The following DZIP3 variants were observed in gnomAD, a reference collection of about 807,000 sequenced individuals.
DZIP3 encodes DAZ interacting zinc finger protein 3, also known as E3 ubiquitin-protein ligase DZIP3.
In DZIP3, 118 loss-of-function variants were observed where a neutral mutation model predicts 162.0. The ratio of observed to expected loss-of-function variants is 0.73; its 90% confidence interval spans 0.63 to 0.85. The LOEUF (loss-of-function observed/expected upper bound fraction) is 0.85. Among genes scored for constraint, DZIP3 ranks in the 40% least tolerant of loss-of-function variants. DZIP3 has a pLI of 0.00. For synonymous variants in DZIP3, 438 were observed against 458.6 expected (o/e 0.96, Z 0.57); for missense variants, 1,331 against 1,407.0 (o/e 0.95, Z 0.86).
In DZIP3 at chr3:108,677,511, A is replaced by G. The variant is rs1392680861; in HGVS notation, c.2796A>G (p.Glu932=). The G allele has an allele frequency of 1.2e-6, 2 of 1,612,536 alleles. No homozygotes were observed. Among genetic ancestry groups the G allele is most frequent in the Non-Finnish European group, 1.7e-6 (2 of 1,178,896 alleles). Residue 932 remains glutamate, a synonymous_variant, in exon 26 of 33, where the codon GAA becomes GAG. Transcript: ENST00000361582. ...KIAFLRTQYN[E]QINKVKQGFA... ...TCTTCTACCAGACACAGTACAATGA[A>G]CAAATAAACAAAGTCAAGCAAGGAT... is the stretch of plus-strand genomic sequence containing the variant.
rs562952046 is a variant in DZIP3 at position 108,644,869 on chromosome 3, T to C, written c.1759+88T>C. 58 of 1,258,634 alleles carry C rather than the reference T, an allele frequency of 4.6e-5. No homozygotes were observed. The African/African-American group carries it at 8.1e-4, about 18-fold the overall frequency. The allele number at this position is 1,258,634 out of a possible 1,614,324, so 78.0% of individuals were successfully genotyped here. A position where few individuals can be genotyped will look rare whatever the true frequency, so the allele number is the denominator to read the frequency against. Reference sequence around the variant, plus strand: ...AGGCACAGTGCAAAGGGCAAGAGATTCAGTGAGCTCATGGTTTTGGGAAAA... The same window carrying C: ...AGGCACAGTGCAAAGGGCAAGAGATCCAGTGAGCTCATGGTTTTGGGAAAA... On this transcript the variant is annotated intron_variant, in intron 14 of 32. Coordinates refer to ENST00000361582, the MANE Select transcript of DZIP3 (RefSeq NM_014648.4).
intron 5 of DZIP3, among the ~76,000 whole-genome samples, chr3:108,622,008 G>A (rs1941375985): frequency 6.6e-6 from 1 of 151,608 alleles, no homozygotes; most frequent in African/African-American, 2.4e-5. Flanking sequence ...GATCAGCCTG[G>A]GTAATAGTGT....
chr3:108,654,830 G>A (rs1431216712), intron 19 of DZIP3, among the ~76,000 whole-genome samples: 2 of 152,032 alleles, frequency 1.3e-5, no homozygotes, highest in East Asian at 3.9e-4. Context: ...CATGATTTAA[G>A]TGCTCAACAG....
rs1940281285 is a variant in DZIP3 at position 108,605,345 on chromosome 3, CA to C, written c.-61del. 1.2e-6 allele frequency: 2 copies of C among 1,600,060 alleles called. No homozygotes were observed. Among genetic ancestry groups the C allele is most frequent in the Admixed American group, 1.7e-5 (1 of 59,466 alleles). ...TTATTTTCCTTACAGCATTAAAGGG[CA>C]GTATTTAAAGTCAGTTGGCAAGCAG... On this transcript the variant is annotated 5_prime_UTR_variant, in exon 2 of 33. Transcript: ENST00000361582.
chr3:108,628,872 G>A (rs1941703850), intron 7 of DZIP3, among the ~76,000 whole-genome samples, 190 bp from the exon 8 acceptor site: 1 of 152,050 alleles, frequency 6.6e-6, no homozygotes. Context: ...ATAATCTAGT[G>A]CCTCCCCTTC....
intron 5 of DZIP3, among the ~76,000 whole-genome samples, chr3:108,622,696 A>G (rs1941408994): frequency 6.6e-6 from 1 of 151,972 alleles, no homozygotes; most frequent in African/African-American, 2.4e-5. Flanking sequence ...ATTAGGGGAC[A>G]CTCTAAGCCC....
rs556049062 is a variant in DZIP3 at position 108,621,785 on chromosome 3, T to C, written c.376-2659T>C. Reference sequence around the variant, plus strand: ...ATACCCAAAAGAAAGAAAATCAGTGTATCAAAGAAATATTTGCATTCTCAT... The same window carrying C: ...ATACCCAAAAGAAAGAAAATCAGTGCATCAAAGAAATATTTGCATTCTCAT... On this transcript the variant is annotated intron_variant, in intron 5 of 32. Transcript: ENST00000361582. 6.6e-5 allele frequency among the ~76,000 whole-genome samples: 10 copies of C among 152,290 alleles called. No homozygotes were observed. The South Asian group carries it at 2.1e-3, about 32-fold the overall frequency.
At position 108,605,364 on chromosome 3, in the gene DZIP3, G is replaced by T; in HGVS notation, c.-43G>T. On this transcript the variant is annotated 5_prime_UTR_variant, in exon 2 of 33. Coordinates refer to ENST00000361582, the MANE Select transcript of DZIP3 (RefSeq NM_014648.4). ...AAAGGGCAGTATTTAAAGTCAGTTG[G>T]CAAGCAGTGGAATAAGATTTTTGTA... The T allele has an allele frequency of 6.2e-7, 1 of 1,612,638 alleles. No individual in the cohort carries two copies. The highest frequency in any genetic ancestry group is 8.5e-7 in the Non-Finnish European group (1 of 1,179,308).
chr3:108,676,696 C>G (rs1343487810), intron 25 of DZIP3, among the ~76,000 whole-genome samples: 1 of 151,218 alleles, frequency 6.6e-6, no homozygotes, highest in African/African-American at 2.4e-5. Flanking sequence ...TTCACTGTTT[C>G]TCTCCAAACT....
intron 1 of DZIP3, among the ~76,000 whole-genome samples, chr3:108,603,638 T>C (rs894558580): frequency 9.2e-5 from 14 of 152,230 alleles, no homozygotes; most frequent in African/African-American, 3.1e-4. Flanking sequence ...AAGAAAGCTC[T>C]TTTAAATGAA....
chr3:108,663,053 AT>A lies in DZIP3; in HGVS notation c.2423+799del, dbSNP rs533935032. The stretch of plus-strand genomic sequence containing the variant: ...TAAATTGGGGAAATATTTGCCAGAG[AT>A]TTAGGTCTTAATTTTTCTCTCATAT... On this transcript the variant is annotated intron_variant, in intron 21 of 32. Coordinates refer to ENST00000361582, the MANE Select transcript of DZIP3 (RefSeq NM_014648.4). 1.7e-3 allele frequency among the ~76,000 whole-genome samples: 253 copies of A among 152,300 alleles called. 2 individuals are homozygous for A. Among genetic ancestry groups the A allele is most frequent in the African/African-American group, 5.7e-3 (239 of 41,574 alleles).
At chr3:108,685,256 T>A (rs887213777) in intron 27 of DZIP3, among the ~76,000 whole-genome samples, 2 of 152,170 alleles carry the variant, frequency 1.3e-5, no homozygotes, top group Non-Finnish European at 2.9e-5. Context: ...TAAGAAACTA[T>A]GATAAAATTT....
At chr3:108,648,173 A>T (rs1576413328) in intron 16 of DZIP3, 61 bp downstream of exon 16, 2 of 1,467,950 alleles carry the variant, frequency 1.4e-6, no homozygotes, top group East Asian at 4.8e-5. Flanking sequence ...AATTTGTTGC[A>T]TGTGCTGTAC....
chr3:108,619,360 T>C (rs995185182), intron 5 of DZIP3, among the ~76,000 whole-genome samples: 3 of 151,880 alleles, frequency 2.0e-5, no homozygotes, highest in African/African-American at 4.8e-5. Context: ...CAAATACTTA[T>C]ATACACATAT....
At chr3:108,667,246 A>G (rs1357951192) in intron 21 of DZIP3, among the ~76,000 whole-genome samples, 1 of 152,170 alleles carries the variant, frequency 6.6e-6, no homozygotes, top group South Asian at 2.1e-4. Flanking sequence ...GAAAAGGTCA[A>G]TAAAATTGAC....
chr3:108,624,790 GAATTGTACCTCA>G (rs1941518439), intron 6 of DZIP3, among the ~76,000 whole-genome samples: 1 of 151,890 alleles, frequency 6.6e-6, no homozygotes, highest in African/African-American at 2.4e-5. Flanking sequence ...TGTAAAATAT[GAATTGTACCTCA>G]AATTATTTGT....
intron 1 of DZIP3, among the ~76,000 whole-genome samples, chr3:108,594,709 A>G (rs55946386): frequency 0.2 from 30,883 of 151,854 alleles, 3,722 homozygotes; most frequent in East Asian, 0.45. Flanking sequence ...ATTTTCTTGC[A>G]TTAATTTGCT....
intron 28 of DZIP3, 132 bp downstream of exon 28, chr3:108,686,716 C>A: frequency 8.9e-7 from 1 of 1,122,368 alleles, no homozygotes; most frequent in Non-Finnish European, 1.2e-6. Context: ...TTACCTTGAC[C>A]TTGGTAAGGA....
rs1944506720 is a variant in DZIP3, at chr3:108,686,565, G to T, written c.3130G>T (p.Ala1044Ser). ...GAGAATTACAGACAGGCTGAAAACTGCCTTTCCACAGCAAACCAGGTACCT... is the reference window on the plus strand; with the variant it reads ...GAGAATTACAGACAGGCTGAAAACTTCCTTTCCACAGCAAACCAGGTACCT... ...WERITDRLKTAFPQQTRKELT... is the reference protein window; with the variant it reads ...WERITDRLKTSFPQQTRKELT... Residue 1044 changes from alanine to serine, a missense_variant, in exon 28 of 33, where the codon GCC becomes TCC. Ala to Ser is a moderately conservative substitution (Grantham distance 99). This residue lies in a region of DZIP3 where 1,278 missense variants were observed against 1,317.1 expected (regional missense o/e 0.97). Coordinates refer to ENST00000361582, the MANE Select transcript of DZIP3 (RefSeq NM_014648.4). The T allele has an allele frequency of 6.2e-7, 1 of 1,608,178 alleles. No individual in the cohort carries two copies. The highest frequency in any genetic ancestry group is 8.5e-7 in the Non-Finnish European group (1 of 1,178,032).
Sources: gnomAD v4.1 joint callset for allele counts (sites outside exome capture counted in the v4.1 genomes callset) on GRCh38, gnomAD v4.1.1 for gene constraint, gnomAD v4.1.1 regional missense constraint, MANE v1.5 for transcripts, NCBI Gene and HGNC (gene_info 2026-07-23, HGNC 2026-07-21) for gene names.